The following ZEB1 variants were observed in gnomAD, a reference collection of about 807,000 sequenced individuals.
ZEB1 encodes zinc finger E-box-binding homeobox 1.
A neutral mutation model predicts 84.9 loss-of-function variants in ZEB1; 21 were observed. The observed-to-expected ratio is 0.25, with a 90% confidence interval of 0.18 to 0.36. The LOEUF (loss-of-function observed/expected upper bound fraction) is 0.36. Among genes scored for constraint, ZEB1 ranks in the 10% least tolerant of loss-of-function variants. The pLI is 1.00. For missense variants in ZEB1, 1,104 were observed against 1,330.2 expected, an observed-to-expected ratio of 0.83 and a Z score of 2.65; for synonymous variants, 420 against 471.1, an observed-to-expected ratio of 0.89 and a Z score of 1.41.
intron 2 of ZEB1, among the ~76,000 whole-genome samples, chr10:31,469,062 T>C (rs896122179): frequency 6.6e-6 from 1 of 152,172 alleles, no homozygotes; most frequent in African/African-American, 2.4e-5. Flanking sequence ...AACATAGATA[T>C]ATTTTTTAAA....
chr10:31,516,528 G>A (rs1472014782), intron 6 of ZEB1, among the ~76,000 whole-genome samples: 2 of 75,838 alleles, frequency 2.6e-5, no homozygotes, highest in African/African-American at 4.7e-5. Context: ...AAGACCCAGG[G>A]TGTCTGTAAG....
chr10:31,458,335 G>GT (rs35942367), intron 1 of ZEB1, among the ~76,000 whole-genome samples: 1 of 96,224 alleles, frequency 1.0e-5, no homozygotes, highest in African/African-American at 1.6e-4. Flanking sequence ...GTGTGTGTGT[G>GT]TTGTGTGTGT....
At chr10:31,474,809 C>G (rs1023555295) in intron 2 of ZEB1, among the ~76,000 whole-genome samples, 1 of 152,008 alleles carries the variant, frequency 6.6e-6, no homozygotes, top group African/African-American at 2.4e-5. Flanking sequence ...TTGGAACCAA[C>G]CCAAATGTCC....
chr10:31,477,696 A>G (rs1430067600), intron 2 of ZEB1, among the ~76,000 whole-genome samples: 1 of 152,098 alleles, frequency 6.6e-6, no homozygotes, highest in Non-Finnish European at 1.5e-5. Context: ...CAAAGAACTC[A>G]TAAATAAAGT....
chr10:31,331,579 A>G (rs1035025070), intron 1 of ZEB1, among the ~76,000 whole-genome samples: 3 of 152,202 alleles, frequency 2.0e-5, no homozygotes, highest in Non-Finnish European at 4.4e-5. Flanking sequence ...GGTAGGGAAG[A>G]AAAATGAGGA....
intron 1 of ZEB1, among the ~76,000 whole-genome samples, chr10:31,405,949 T>C (rs900037983): frequency 1.3e-5 from 2 of 152,180 alleles, no homozygotes; most frequent in Non-Finnish European, 2.9e-5. Flanking sequence ...CGGTGTTTGG[T>C]TTTCTGTTCC....
At chr10:31,498,867 A>T (rs1335115685) in intron 3 of ZEB1, among the ~76,000 whole-genome samples, 1 of 152,016 alleles carries the variant, frequency 6.6e-6, no homozygotes, top group East Asian at 1.9e-4. Context: ...ACGTATATTA[A>T]TTACTTCATA....
chr10:31,362,537 A>G (rs1431035427), intron 1 of ZEB1, among the ~76,000 whole-genome samples: 2 of 150,376 alleles, frequency 1.3e-5, no homozygotes, highest in African/African-American at 4.9e-5. Context: ...GGGCCTGGGC[A>G]GAGGCGCTCC....
At chr10:31,522,274 A>C (rs2072575599) in intron 7 of ZEB1, among the ~76,000 whole-genome samples, 1 of 152,224 alleles carries the variant, frequency 6.6e-6, no homozygotes, top group Admixed American at 6.5e-5. Context: ...AAATTCCTAA[A>C]ATTAGTAATA....
At chr10:31,474,528 T>A (rs1428309828) in intron 2 of ZEB1, among the ~76,000 whole-genome samples, 3 of 152,072 alleles carry the variant, frequency 2.0e-5, no homozygotes, top group Non-Finnish European at 4.4e-5. Flanking sequence ...CTCACACCAG[T>A]TAGAATGGCA....
intron 2 of ZEB1, among the ~76,000 whole-genome samples, chr10:31,490,568 C>G (rs2066390186): frequency 6.6e-6 from 1 of 151,632 alleles, no homozygotes; most frequent in African/African-American, 2.4e-5. Context: ...CTGAGACATT[C>G]TATCTTTCCA....
intron 1 of ZEB1, among the ~76,000 whole-genome samples, chr10:31,438,608 G>A (rs965733728): frequency 1.2e-4 from 19 of 152,150 alleles, no homozygotes; most frequent in African/African-American, 3.4e-4. Context: ...AGGCCAAGCC[G>A]GAGGATTGCT....
intron 1 of ZEB1, among the ~76,000 whole-genome samples, chr10:31,356,304 C>G (rs2042107781): frequency 6.6e-6 from 1 of 151,538 alleles, no homozygotes; most frequent in African/African-American, 2.4e-5. Flanking sequence ...AATTTGACTT[C>G]CTGATTTATA....
intron 2 of ZEB1, among the ~76,000 whole-genome samples, chr10:31,485,015 A>AT (rs2065538490): frequency 6.6e-6 from 1 of 151,866 alleles, no homozygotes; most frequent in East Asian, 1.9e-4. Context: ...GTATTTCAAC[A>AT]TCTATAGAGT....
chr10:31,452,732 T>TGAGA (rs2060728377), intron 1 of ZEB1, among the ~76,000 whole-genome samples: 2 of 111,890 alleles, frequency 1.8e-5, no homozygotes, highest in African/African-American at 1.0e-4. Flanking sequence ...TGTGTGTGTG[T>TGAGA]GTGTGTGTGT....
At chr10:31,422,029 A>G (rs1020517616) in intron 1 of ZEB1, among the ~76,000 whole-genome samples, 7 of 152,218 alleles carry the variant, frequency 4.6e-5, no homozygotes, top group Admixed American at 1.3e-4. Flanking sequence ...ATAGATACAC[A>G]TTTGAACTAC....
At chr10:31,411,665 A>G (rs1325490602) in intron 1 of ZEB1, among the ~76,000 whole-genome samples, 1 of 147,744 alleles carries the variant, frequency 6.8e-6, no homozygotes, top group Non-Finnish European at 1.5e-5. Flanking sequence ...AAGCAGCATT[A>G]GGAGAGAAAT....
intron 6 of ZEB1, among the ~76,000 whole-genome samples, chr10:31,517,754 TAAC>T (rs1191790896): frequency 6.6e-6 from 1 of 152,162 alleles, no homozygotes; most frequent in Non-Finnish European, 1.5e-5. Flanking sequence ...AGATAATTTT[TAAC>T]AATAATAATG....
chr10:31,449,006 C>A (rs939577590), intron 1 of ZEB1, among the ~76,000 whole-genome samples: 2 of 152,270 alleles, frequency 1.3e-5, no homozygotes, highest in Non-Finnish European at 2.9e-5. Flanking sequence ...GCGCCCCTCC[C>A]CCAGCCTCGC....
Sources: gnomAD v4.1 joint callset for allele counts (sites outside exome capture counted in the v4.1 genomes callset) on GRCh38, gnomAD v4.1.1 for gene constraint, MANE v1.5 for transcripts, NCBI Gene and HGNC (gene_info 2026-07-23, HGNC 2026-07-21) for gene names.